PITPNC1: variants seen among roughly 807,000 people sequenced by gnomAD.
PITPNC1 encodes the protein cytoplasmic phosphatidylinositol transfer protein 1.
A neutral mutation model predicts 44.7 loss-of-function variants in PITPNC1; 18 were observed. That is an observed-to-expected ratio of 0.40 (90% confidence interval 0.28 to 0.60). The LOEUF is 0.60. Ranked by LOEUF, PITPNC1 falls within the 20% of genes least tolerant of loss-of-function variation. The pLI, the probability that PITPNC1 is intolerant of heterozygous loss-of-function variation, is 0.39. For synonymous variants in PITPNC1, 141 were observed against 149.6 expected (o/e 0.94, Z 0.42); for missense variants, 290 against 418.4 (o/e 0.69, Z 2.68).
intron 1 of PITPNC1, among the ~76,000 whole-genome samples, chr17:67,494,721 C>T (rs1383848562): frequency 6.6e-6 from 1 of 151,974 alleles, no homozygotes; most frequent in Admixed American, 6.6e-5. Flanking sequence ...CTGTAATCCC[C>T]AGGAATTTGG....
intron 5 of PITPNC1, among the ~76,000 whole-genome samples, chr17:67,589,642 C>A (rs1169965366): frequency 6.6e-6 from 1 of 150,710 alleles, no homozygotes; most frequent in Non-Finnish European, 1.5e-5. Flanking sequence ...ATGCTAAGAC[C>A]GTTGAGCAAA....
chr17:67,531,703 T>C (rs1367489109), intron 1 of PITPNC1, among the ~76,000 whole-genome samples: 1 of 152,182 alleles, frequency 6.6e-6, no homozygotes, highest in East Asian at 1.9e-4. Flanking sequence ...TCCCTGCAGA[T>C]TGTTGGGGAA....
At chr17:67,618,260 G>A (rs1395098288) in intron 5 of PITPNC1, among the ~76,000 whole-genome samples, 1 of 151,152 alleles carries the variant, frequency 6.6e-6, no homozygotes, top group Non-Finnish European at 1.5e-5. Flanking sequence ...AGCTACTAGG[G>A]AGGCTGAGGC....
intron 4 of PITPNC1, among the ~76,000 whole-genome samples, chr17:67,575,120 C>T (rs2041122074): frequency 6.6e-6 from 1 of 151,874 alleles, no homozygotes; most frequent in Non-Finnish European, 1.5e-5. Flanking sequence ...CCACGCTCCA[C>T]AACTCTGTAC....
intron 1 of PITPNC1, among the ~76,000 whole-genome samples, chr17:67,429,039 C>T (rs937543595): frequency 9.2e-5 from 14 of 151,672 alleles, no homozygotes; most frequent in African/African-American, 3.1e-4. Flanking sequence ...CGGGGTTTCT[C>T]CATGTTGGTC....
At chr17:67,483,165 A>G (rs535186820) in intron 1 of PITPNC1, among the ~76,000 whole-genome samples, 1 of 152,328 alleles carries the variant, frequency 6.6e-6, no homozygotes, top group Non-Finnish European at 1.5e-5. Flanking sequence ...CTTTGTTTGC[A>G]GAAGAGCTGC....
At chr17:67,516,413 C>T (rs576989724) in intron 1 of PITPNC1, among the ~76,000 whole-genome samples, 3 of 152,274 alleles carry the variant, frequency 2.0e-5, no homozygotes, top group Admixed American at 6.5e-5. Context: ...GGATTTAAAA[C>T]GCTACCTTCC....
intron 5 of PITPNC1, among the ~76,000 whole-genome samples, chr17:67,604,670 C>T (rs1053961360): frequency 6.6e-6 from 1 of 152,082 alleles, no homozygotes; most frequent in African/African-American, 2.4e-5. Flanking sequence ...GTAGTCCCAG[C>T]TACTTGGGAA....
intron 1 of PITPNC1, among the ~76,000 whole-genome samples, chr17:67,462,979 G>A (rs2039365065): frequency 6.6e-6 from 1 of 152,256 alleles, no homozygotes; most frequent in Non-Finnish European, 1.5e-5. Context: ...TAGGATTACA[G>A]GCGTGAGCCG....
chr17:67,628,441 C>CAATAAAATGTTTGAATTAAA, intron 5 of PITPNC1, among the ~76,000 whole-genome samples: 1 of 152,112 alleles, frequency 6.6e-6, no homozygotes, highest in African/African-American at 2.4e-5. Flanking sequence ...AATTATTGAT[C>CAATAAAATGTTTGAATTAAA]TCTGATGGGA....
intron 1 of PITPNC1, among the ~76,000 whole-genome samples, chr17:67,520,201 GA>G (rs1285155448): frequency 6.6e-6 from 1 of 152,136 alleles, no homozygotes; most frequent in Non-Finnish European, 1.5e-5. Flanking sequence ...TTTCATCCTG[GA>G]AAGGCCTTGC....
intron 1 of PITPNC1, among the ~76,000 whole-genome samples, chr17:67,440,498 TTTTATTTA>T (rs59003947): frequency 0.31 from 43,036 of 137,422 alleles, 7,436 homozygotes; most frequent in Non-Finnish European, 0.38. Flanking sequence ...TTGCAAGACT[TTTTATTTA>T]TTTATTTATT....
intron 8 of PITPNC1, among the ~76,000 whole-genome samples, chr17:67,680,631 T>C (rs968186782): frequency 6.6e-6 from 1 of 151,854 alleles, no homozygotes; most frequent in African/African-American, 2.4e-5. Flanking sequence ...CAACTATAGA[T>C]TACAGTTCTA....
intron 1 of PITPNC1, among the ~76,000 whole-genome samples, chr17:67,458,765 T>C (rs2039290877): frequency 6.6e-6 from 1 of 152,222 alleles, no homozygotes; most frequent in Non-Finnish European, 1.5e-5. Context: ...TTATTTTTTT[T>C]CCGTGGGAAT....
chr17:67,527,698 C>G (rs2040408500), intron 1 of PITPNC1, among the ~76,000 whole-genome samples: 1 of 150,748 alleles, frequency 6.6e-6, no homozygotes, highest in Non-Finnish European at 1.5e-5. Context: ...GAGACTCCAT[C>G]TCAAAAACAA....
intron 1 of PITPNC1, among the ~76,000 whole-genome samples, chr17:67,447,088 TCAAAAAAAA>T (rs1396295794): frequency 5.3e-5 from 1 of 18,832 alleles, no homozygotes; most frequent in African/African-American, 1.5e-4. Context: ...AGACTCTGTC[TCAAAAAAAA>T]AAAAAAAAAA....
At chr17:67,582,025 C>T (rs1430982328) in intron 5 of PITPNC1, among the ~76,000 whole-genome samples, 1 of 151,726 alleles carries the variant, frequency 6.6e-6, no homozygotes, top group African/African-American at 2.4e-5. Flanking sequence ...AAGAGTGAAA[C>T]TCTGTCTCAA....
chr17:67,666,575 G>A (rs1370667636), intron 6 of PITPNC1, among the ~76,000 whole-genome samples: 1 of 152,206 alleles, frequency 6.6e-6, no homozygotes, highest in Non-Finnish European at 1.5e-5. Context: ...CACTCATGGT[G>A]CCATGGACAG....
chr17:67,688,993 G>A (rs1387163634), intron 8 of PITPNC1, among the ~76,000 whole-genome samples: 5 of 152,190 alleles, frequency 3.3e-5, no homozygotes, highest in South Asian at 2.1e-4. Context: ...ACCTGAGGTC[G>A]GGAGTTCAAG....
Sources: gnomAD v4.1 joint callset for allele counts (sites outside exome capture counted in the v4.1 genomes callset) on GRCh38, gnomAD v4.1.1 for gene constraint, MANE v1.5 for transcripts, NCBI Gene and HGNC (gene_info 2026-07-23, HGNC 2026-07-21) for gene names.